Variants in NUTM2G observed in about 807,000 individuals in gnomAD.
NUTM2G encodes family with sequence similarity 22, member G.
A neutral mutation model predicts 44.3 loss-of-function variants in NUTM2G; 29 were observed. The ratio of observed to expected loss-of-function variants is 0.66; its 90% CI spans 0.49 to 0.89. The LOEUF (loss-of-function observed/expected upper bound fraction) is 0.89. Ranked by LOEUF, NUTM2G falls within the 40% of genes least tolerant of loss-of-function variation. The pLI, the probability that NUTM2G is intolerant of heterozygous loss-of-function variation, is 0.00. For missense variants in NUTM2G, 502 were observed against 946.5 expected, an observed-to-expected ratio of 0.53 and a Z score of 6.16; for synonymous variants, 205 against 395.9, an observed-to-expected ratio of 0.52 and a Z score of 5.72.
intron 3 of NUTM2G, 143 bp from the exon 4 acceptor site, chr9:96,936,282 T>C (rs1826425847): frequency 6.9e-7 from 1 of 1,453,240 alleles, no homozygotes; most frequent in Non-Finnish European, 9.1e-7. Context: ...AGCTCCCTCC[T>C]GGGACTGGGG....
chr9:96,940,379 G>A (rs1348215331), downstream of NUTM2G: 1 of 149,606 alleles, frequency 6.7e-6, no homozygotes, highest in East Asian at 2.2e-4. Context: ...TCAGGAGAGG[G>A]ACTGAGGCTG....
chr9:96,936,690 G>C (rs1406747586), intron 4 of NUTM2G, 126 bp downstream of exon 4: 3 of 1,453,992 alleles, frequency 2.1e-6, no homozygotes, highest in East Asian at 2.5e-5. Context: ...GACAGCTTCC[G>C]GGACTGTATG....
In NUTM2G at chr9:96,936,392, T is replaced by C. The variant is rs1304730643; in HGVS notation, c.843-33T>C. ...TCCTGGGGGGAGGGGGCCTGGACCCTCTCAGCACAGCCTGGGCCTCCTTCA... is the reference window on the plus strand; with the variant it reads ...TCCTGGGGGGAGGGGGCCTGGACCCCCTCAGCACAGCCTGGGCCTCCTTCA... On this transcript the variant is annotated intron_variant, in intron 3 of 6. Coordinates refer to ENST00000372322, the MANE Select transcript of NUTM2G (RefSeq NM_001170741.3). 4 of 1,559,214 alleles carry C rather than the reference T, an allele frequency of 2.6e-6. No homozygotes were observed. The Admixed American group carries it at 5.5e-5, about 22-fold the overall frequency.
At chr9:96,934,030 C>T (rs1564032040) in intron 2 of NUTM2G, 1 of 152,220 alleles carries the variant, frequency 6.6e-6, no homozygotes, top group South Asian at 2.1e-4. Flanking sequence ...TACATGACAG[C>T]AATTAGGATT....
In NUTM2G at chr9:96,932,745, T is replaced by C. The variant is rs773467917; in HGVS notation, c.713+327T>C. Among the ~76,000 whole-genome samples, 33 of 150,940 alleles carry C rather than the reference T, an allele frequency of 2.2e-4. 1 individual carries two copies. The highest frequency in any genetic ancestry group is 1.5e-3 in the South Asian group (7 of 4,770). On this transcript the variant is annotated intron_variant, in intron 2 of 6. Coordinates refer to ENST00000372322, the MANE Select transcript of NUTM2G (RefSeq NM_001170741.3). ...TCAGCTCATCACAACCTCCGCCTCC[T>C]GGGTTCAAGTGATTCTGCTGCCTCA... is the stretch of plus-strand genomic sequence containing the variant.
downstream of NUTM2G, among the ~76,000 whole-genome samples, chr9:96,941,297 C>G (rs1321190885): frequency 6.8e-5 from 10 of 147,186 alleles, no homozygotes; most frequent in African/African-American, 2.2e-4. Context: ...CCTCTGTGTC[C>G]CGCCTGAGCC....
chr9:96,935,241 G>A (rs1826388552), intron 2 of NUTM2G, 87 bp from the exon 3 acceptor site: 15 of 1,577,714 alleles, frequency 9.5e-6, no homozygotes, highest in Admixed American at 1.8e-5. Context: ...GACAGGTGTG[G>A]GGAGGACAGG....
chr9:96,929,008 G>A lies in NUTM2G; in HGVS notation c.-17G>A, dbSNP rs1463313280. 1.2e-6 allele frequency: 2 copies of A among 1,609,668 alleles called. No individual in the cohort carries two copies. The highest frequency in any genetic ancestry group is 1.7e-5 in the Admixed American group (1 of 59,818). On this transcript the variant is annotated 5_prime_UTR_variant, in exon 1 of 7. It adds an upstream start codon to the 5' untranslated region. Coordinates refer to ENST00000372322, the MANE Select transcript of NUTM2G (RefSeq NM_001170741.3). ...GGAAGCTGCCAGACAGTGGTGGTCA[G>A]TGCCCAGCCTGAGGGGATGGCTTCA... is the stretch of plus-strand genomic sequence containing the variant.
chr9:96,942,045 G>C (rs1331409909), downstream of NUTM2G, among the ~76,000 whole-genome samples: 2 of 151,798 alleles, frequency 1.3e-5, no homozygotes, highest in African/African-American at 2.4e-5. Flanking sequence ...TCACTCTCTG[G>C]GAGCCAGTGC....
chr9:96,937,130 G>A lies in NUTM2G; in HGVS notation c.1049G>A (p.Arg350Lys), dbSNP rs1826458298. ...TACLPPPRPQ[R>K]PAETKAHLPP... is the part of the protein sequence containing the mutation. ...TGCCTGCCACCACCCAGGCCCCAGA[G>A]GCCAGCGGAGACCAAGGCCCACCTG... The change falls in exon 5 of 7, where the codon AGG becomes AAG. Residue 350 changes from arginine to lysine, a missense_variant. Arg to Lys is a conservative substitution (Grantham distance 26). Transcript: ENST00000372322. 1 of 1,611,892 alleles carries A rather than the reference G, an allele frequency of 6.2e-7. No individual in the cohort carries two copies. The highest frequency in any genetic ancestry group is 1.3e-5 in the African/African-American group (1 of 74,954).
rs1365038632 is a variant in NUTM2G at position 96,937,522 on chromosome 9, G to A, written c.1323+118G>A. Reference sequence around the variant, plus strand: ...AGTATGTGTATTTCCATGGATTTGAGTGTCTGTGTATGTGACTGTGTGTGT... The same window carrying A: ...AGTATGTGTATTTCCATGGATTTGAATGTCTGTGTATGTGACTGTGTGTGT... On this transcript the variant is annotated intron_variant, in intron 5 of 6. Transcript: ENST00000372322. 5 of 915,660 alleles carry A rather than the reference G, an allele frequency of 5.5e-6. No individual in the cohort carries two copies. The East Asian group carries it at 1.0e-4, about 19-fold the overall frequency. The allele number at this position is 915,660 out of a possible 1,614,324, so 56.7% of individuals were successfully genotyped here. A position where few individuals can be genotyped will look rare whatever the true frequency, so the allele number is the denominator to read the frequency against.
intron 1 of NUTM2G, among the ~76,000 whole-genome samples, chr9:96,930,871 G>GTTTTTTTTTTTTT (rs1310362219): frequency 9.6e-6 from 1 of 104,404 alleles, no homozygotes; most frequent in African/African-American, 3.7e-5. Flanking sequence ...TCCATCCAGT[G>GTTTTTTTTTTTTT]GTTTTTTTTT....
At chr9:96,940,788 C>T (rs1826572238), downstream of NUTM2G, among the ~76,000 whole-genome samples, 1 of 152,220 alleles carries the variant, frequency 6.6e-6, no homozygotes, top group Non-Finnish European at 1.5e-5. Flanking sequence ...TTCTCTCTGG[C>T]CCCATCTGCC....
chr9:96,940,222 T>C (rs1826560975), downstream of NUTM2G: 1 of 150,128 alleles, frequency 6.7e-6, no homozygotes, highest in Admixed American at 6.6e-5. Flanking sequence ...CGAGGGTCAG[T>C]CGCCCTTCTG....
At chr9:96,934,212 T>TC (rs1007595673) in intron 2 of NUTM2G, among the ~76,000 whole-genome samples, 1 of 152,114 alleles carries the variant, frequency 6.6e-6, no homozygotes, top group African/African-American at 2.4e-5. Flanking sequence ...GTGGTTTCAT[T>TC]CCCAGTCCCT....
Position 96,937,253 on chromosome 9 carries a change from T to TG in NUTM2G, c.1176dup (p.Ser393ValfsTer10), listed in dbSNP as rs1362790696. Reference sequence around the variant, plus strand: ...TATGTGGACATCATGGAGGAGCTGCTGGGGTCTCACCCTGGGGACACAGGG... The same window carrying TG: ...TATGTGGACATCATGGAGGAGCTGCTGGGGGTCTCACCCTGGGGACACAGGG... On this transcript the variant is annotated frameshift_variant, in exon 5 of 7. Coordinates refer to ENST00000372322, the MANE Select transcript of NUTM2G (RefSeq NM_001170741.3). LOFTEE classifies it high-confidence loss of function. 3 of 1,613,432 alleles carry TG rather than the reference T, an allele frequency of 1.9e-6. No individual in the cohort carries two copies. In the East Asian group the frequency reaches 6.7e-5, roughly 36 times the overall value.
intron 5 of NUTM2G, among the ~76,000 whole-genome samples, 161 bp from the exon 6 acceptor site, chr9:96,937,724 G>A (rs1398966994): frequency 1.3e-5 from 2 of 152,032 alleles, no homozygotes; most frequent in Non-Finnish European, 2.9e-5. Flanking sequence ...TATGCTATGA[G>A]GTCTGTGGTC....
At chr9:96,936,048 T>TTATC (rs1826420555) in intron 3 of NUTM2G, among the ~76,000 whole-genome samples, 2 of 149,342 alleles carry the variant, frequency 1.3e-5, no homozygotes, top group African/African-American at 5.0e-5. Context: ...TGTCCCTGGG[T>TTATC]TATCCTTCAG....
chr9:96,931,701 C>A (rs754784370), intron 1 of NUTM2G, 21 bp from the exon 2 acceptor site: 18 of 1,610,986 alleles, frequency 1.1e-5, no homozygotes, highest in Non-Finnish European at 1.4e-5. Context: ...GCTCATTCAC[C>A]TCTTTCCTTT....
Sources: gnomAD v4.1 joint callset for allele counts (sites outside exome capture counted in the v4.1 genomes callset) on GRCh38, gnomAD v4.1.1 for gene constraint, MANE v1.5 for transcripts, NCBI Gene and HGNC (gene_info 2026-07-23, HGNC 2026-07-21) for gene names.